The following MYH9 variants were observed in gnomAD, a reference collection of about 807,000 sequenced individuals.
MYH9 encodes the protein myosin-9.
Under a neutral mutation model 241.9 loss-of-function variants are expected in MYH9, and 29 were observed. The observed-to-expected ratio is 0.12, with a 90% CI of 0.09 to 0.16. The LOEUF (loss-of-function observed/expected upper bound fraction) is 0.16. MYH9 is among the 10% of genes least tolerant of loss of function. The probability of loss-of-function intolerance (pLI) is 1.00; values close to 1 mark genes in which losing one functional copy is unlikely to be tolerated. For synonymous variants in MYH9, 1,047 were observed against 1,062.6 expected (o/e 0.99, Z 0.29); for missense variants, 1,803 against 2,595.5 (o/e 0.69, Z 6.63).
intron 6 of MYH9, 132 bp downstream of exon 6, chr22:36,322,294 CACG>C: frequency 1.0e-6 from 1 of 993,812 alleles, no homozygotes; most frequent in Admixed American, 1.9e-5. Context: ...GCCTAGTCCA[CACG>C]ACAGGCCAGA....
At position 36,380,488 on chromosome 22, in the gene MYH9, C is replaced by T. The variant is rs2018240129; in HGVS notation, c.-20+7319G>A. 3.9e-5 allele frequency among the ~76,000 whole-genome samples: 6 copies of T among 152,306 alleles called. No homozygotes were observed. The South Asian group carries it at 1.2e-3, about 32-fold the overall frequency. On this transcript the variant is annotated intron_variant, in intron 1 of 40. Coordinates refer to ENST00000216181, the MANE Select transcript of MYH9 (RefSeq NM_002473.6). ...GGGTGCGGTGGCTCACGCCTGTAAT[C>T]CCACCACTTCGGGAGGCCAAGCCAG...
chr22:36,327,604 T>C (rs2146370293), intron 3 of MYH9, 116 bp from the exon 4 acceptor site: 1 of 1,232,982 alleles, frequency 8.1e-7, no homozygotes, highest in Non-Finnish European at 1.2e-6. Flanking sequence ...ATGCTGTCTT[T>C]GTGGGGATCT....
Position 36,329,811 on chromosome 22 carries a change from G to T in MYH9, c.491-2323C>A, listed in dbSNP as rs1407087787. ...AGGGCATGGACACACACATAGACAC[G>T]CAAGCATCTGTGCATACACAGTCAC... On this transcript the variant is annotated intron_variant, in intron 3 of 40. Transcript: ENST00000216181. The surrounding 1 kb of genome is among the most constrained non-coding windows in gnomAD (Gnocchi z 4.1). Among the ~76,000 whole-genome samples the T allele has an allele frequency of 6.6e-6, 1 of 152,196 alleles. No individual in the cohort carries two copies. The highest frequency in any genetic ancestry group is 1.5e-5 in the Non-Finnish European group (1 of 68,034).
intron 1 of MYH9, among the ~76,000 whole-genome samples, chr22:36,377,497 C>T (rs1480589763): frequency 6.6e-6 from 1 of 152,124 alleles, no homozygotes; most frequent in African/African-American, 2.4e-5. Context: ...GCAAAAGTTG[C>T]AGGCATCAGA....
intron 3 of MYH9, among the ~76,000 whole-genome samples, chr22:36,340,456 T>C (rs996801204): frequency 2.0e-5 from 3 of 150,470 alleles, no homozygotes; most frequent in Admixed American, 6.6e-5. Context: ...AGGTCAGGAG[T>C]TCGAGTCCAG....
chr22:36,378,718 C>G (rs944240462), intron 1 of MYH9, among the ~76,000 whole-genome samples: 2 of 151,932 alleles, frequency 1.3e-5, no homozygotes, highest in Non-Finnish European at 2.9e-5. Context: ...CCCTAGTGCC[C>G]CCCAACAAAA....
rs1015157301 is a variant in MYH9 at position 36,284,181 on chromosome 22, G to A, written c.5677C>T (p.Arg1893Cys). The A allele has an allele frequency of 6.2e-7, 1 of 1,613,918 alleles. No individual in the cohort carries two copies. Among genetic ancestry groups the A allele is most frequent in the Non-Finnish European group, 8.5e-7 (1 of 1,179,956 alleles). ...EEEAQRANAS[R>C]RKLQRELEDA... ...TCCAGCTCGCGCTGCAGTTTCCGGCGGGAGGCGTTGGCCCGCTGGGCCTCC... is the reference window on the plus strand; with the variant it reads ...TCCAGCTCGCGCTGCAGTTTCCGGCAGGAGGCGTTGGCCCGCTGGGCCTCC... Residue 1893 changes from arginine (R) to cysteine (C), a missense_variant, in exon 40 of 41, where the codon CGC becomes TGC. This residue lies in a region of MYH9 where 876 missense variants were observed against 1,077.8 expected (regional missense o/e 0.81). Coordinates refer to ENST00000216181, the MANE Select transcript of MYH9 (RefSeq NM_002473.6).
In MYH9 at chr22:36,306,318, G is replaced by T. The variant is rs931765755; in HGVS notation, c.2037+96C>A. The T allele has an allele frequency of 4.7e-6, 7 of 1,496,034 alleles. No individual in the cohort carries two copies. The highest frequency in any genetic ancestry group is 1.2e-5 in the South Asian group (1 of 85,980). The allele number at this position is 1,496,034 out of a possible 1,614,324, so 92.7% of individuals were successfully genotyped here. A position where few individuals can be genotyped will look rare whatever the true frequency, so the allele number is the denominator to read the frequency against. ...ACGACTGAAGGCTCTGTGCATGCTG[G>T]GGGGCTGGAGGGGTGCTTTTGCTGG... On this transcript the variant is annotated intron_variant, in intron 16 of 40. Transcript: ENST00000216181. This position sits in a 1 kb window ranked among gnomAD's most constrained non-coding sequence, Gnocchi z 4.1.
At chr22:36,336,913 C>T (rs994326311) in intron 3 of MYH9, among the ~76,000 whole-genome samples, 1 of 152,230 alleles carries the variant, frequency 6.6e-6, no homozygotes, top group Non-Finnish European at 1.5e-5. Context: ...AATGTCAAAA[C>T]CTCCTGGCAT....
chr22:36,302,423 G>T, intron 20 of MYH9, 145 bp downstream of exon 20: 1 of 681,350 alleles, frequency 1.5e-6, no homozygotes, highest in Non-Finnish European at 2.6e-6. Context: ...TGAGGTAGGA[G>T]GATTGCTGGA....
chr22:36,293,485 C>T lies in MYH9; in HGVS notation c.3943-4G>A, dbSNP rs902872731. On this transcript the variant is annotated splice_region_variant and splice_polypyrimidine_tract_variant and intron_variant, in intron 29 of 40. Coordinates refer to ENST00000216181, the MANE Select transcript of MYH9 (RefSeq NM_002473.6). This position sits in a 1 kb window ranked among gnomAD's most constrained non-coding sequence, Gnocchi z 5.1. ...GGTTCTCCTCCTGCAGCAGCTCCTA[C>T]TCGCGGGTTGAGAGGGGTGCGGGTG... 4 of 1,612,868 alleles carry T rather than the reference C, an allele frequency of 2.5e-6. No homozygotes were observed. Among genetic ancestry groups the T allele is most frequent in the Admixed American group, 1.7e-5 (1 of 59,994 alleles).
chr22:36,342,395 T>C (rs1197146525), intron 2 of MYH9, among the ~76,000 whole-genome samples: 1 of 152,130 alleles, frequency 6.6e-6, no homozygotes, highest in East Asian at 1.9e-4. Context: ...GAGGATTAAA[T>C]GAAGCACATA....
intron 1 of MYH9, among the ~76,000 whole-genome samples, chr22:36,377,215 G>A (rs567861907): frequency 2.6e-5 from 4 of 152,264 alleles, no homozygotes; most frequent in Non-Finnish European, 4.4e-5. Flanking sequence ...AGAGGACAGC[G>A]AGTTCTCAAA....
Position 36,289,295 on chromosome 22 carries a change from G to A in MYH9, c.4347C>T (p.Leu1449=). 3 of 1,608,276 alleles carry A rather than the reference G, an allele frequency of 1.9e-6. No homozygotes were observed. The highest frequency in any genetic ancestry group is 2.5e-6 in the Non-Finnish European group (3 of 1,178,290). The change falls in exon 32 of 41, where the codon CTC becomes CTT. Residue 1449 remains leucine, a splice_region_variant and synonymous_variant. Coordinates refer to ENST00000216181, the MANE Select transcript of MYH9 (RefSeq NM_002473.6). ...LEKKQKKFDQ[L]LAEEKTISAK... ...CAGAGATGGTCTTCTCCTCCGCCAG[G>A]AGCTGGGAAAGAGGTGGGCACCATG... is the stretch of plus-strand genomic sequence containing the variant.
chr22:36,308,896 C>T (rs1438044888), intron 15 of MYH9: 4 of 979,666 alleles, frequency 4.1e-6, no homozygotes, highest in Non-Finnish European at 4.8e-6. Flanking sequence ...TAAAGCAAAA[C>T]CCAGGCAAAG....
At chr22:36,370,725 G>A (rs1393924011) in intron 1 of MYH9, among the ~76,000 whole-genome samples, 1 of 152,220 alleles carries the variant, frequency 6.6e-6, no homozygotes, top group Admixed American at 6.5e-5. Context: ...AGAAGGCAGG[G>A]CAGCCTGGGA....
At chr22:36,292,340 C>G (rs938950121) in intron 30 of MYH9, 106 bp from the exon 31 acceptor site, 7 of 1,470,570 alleles carry the variant, frequency 4.8e-6, no homozygotes, top group African/African-American at 1.4e-5. Flanking sequence ...GTGGAAGGGG[C>G]ACCAGGGATC....
Position 36,329,715 on chromosome 22 carries a change from C to T in MYH9, c.491-2227G>A, listed in dbSNP as rs2017392655. ...GTGTGAGGAGGAGTCAGAGGCTCTG[C>T]TGCTGAACAACAGGAAGCAGAGCCC... On this transcript the variant is annotated intron_variant, in intron 3 of 40. Transcript: ENST00000216181. The surrounding 1 kb of genome is among the most constrained non-coding windows in gnomAD (Gnocchi z 4.1). 6.6e-6 allele frequency among the ~76,000 whole-genome samples: 1 copy of T among 152,208 alleles called. No individual in the cohort carries two copies. The highest frequency in any genetic ancestry group is 6.5e-5 in the Admixed American group (1 of 15,276).
rs578042030 is a variant in MYH9, at chr22:36,305,947, G to A, written c.2142C>T (p.Phe714=). 6 of 1,613,316 alleles carry A rather than the reference G, an allele frequency of 3.7e-6. No individual in the cohort carries two copies. Among genetic ancestry groups the A allele is most frequent in the Middle Eastern group, 1.7e-4 (1 of 6,060 alleles). ...CRQGFPNRVV[F]QEFRQRYEIL... ...TGGCTCACCTCTGCCGAAACTCCTG[G>A]AAGACCACCCTGTTGGGGAAGCCCT... Residue 714 remains phenylalanine (F), a synonymous_variant, in exon 17 of 41, where the codon TTC becomes TTT. Transcript: ENST00000216181. The surrounding 1 kb of genome is among the most constrained non-coding windows in gnomAD (Gnocchi z 4.7).
Sources: gnomAD v4.1 joint callset for allele counts (sites outside exome capture counted in the v4.1 genomes callset) on GRCh38, gnomAD v4.1.1 for gene constraint, gnomAD v4.1.1 regional missense constraint, Gnocchi (gnomAD v3.1) non-coding constraint, MANE v1.5 for transcripts, NCBI Gene and HGNC (gene_info 2026-07-23, HGNC 2026-07-21) for gene names.